Variants in EYS observed in about 807,000 individuals in gnomAD.
EYS encodes protein eyes shut homolog.
A neutral mutation model predicts 282.1 loss-of-function variants in EYS; 250 were observed. That is an observed-to-expected ratio of 0.89 (90% CI 0.80 to 0.98). EYS has a LOEUF of 0.98. Ranked by LOEUF, EYS falls within the 50% of genes least tolerant of loss-of-function variation. EYS has a pLI of 0.00. For synonymous variants in EYS, 1,355 were observed against 1,282.9 expected (o/e 1.06, Z -1.20); for missense variants, 4,016 against 3,709.0 (o/e 1.08, Z -2.15).
At chr6:65,490,835 A>T (rs1461687490) in intron 4 of EYS, 128 bp from the exon 5 acceptor site, 8 of 649,906 alleles carry the variant, frequency 1.2e-5, no homozygotes, top group Admixed American at 8.0e-5. Flanking sequence ...AAACCATGTT[A>T]TACGATGATG....
chr6:65,241,305 T>C (rs1767052241), intron 12 of EYS, among the ~76,000 whole-genome samples: 1 of 152,170 alleles, frequency 6.6e-6, no homozygotes, highest in South Asian at 2.1e-4. Flanking sequence ...TCTTTTCTTG[T>C]CTGTTACATA....
chr6:65,614,653 C>T (rs1029499584), intron 2 of EYS, among the ~76,000 whole-genome samples: 1 of 151,986 alleles, frequency 6.6e-6, no homozygotes, highest in Non-Finnish European at 1.5e-5. Flanking sequence ...ATCTACTTGG[C>T]AAGAAAAACA....
chr6:65,486,309 T>C (rs1765781251), intron 5 of EYS, among the ~76,000 whole-genome samples: 1 of 152,240 alleles, frequency 6.6e-6, no homozygotes, highest in Admixed American at 6.5e-5. Context: ...TTTTTCTTGC[T>C]TCTTTTCATC....
chr6:63,734,443 C>T (rs775687152), intron 41 of EYS, among the ~76,000 whole-genome samples: 12 of 152,120 alleles, frequency 7.9e-5, no homozygotes, highest in South Asian at 6.2e-4. Flanking sequence ...TAAACAATAT[C>T]GCTTTGGTTG....
chr6:63,796,383 A>G (rs763316757), intron 37 of EYS, among the ~76,000 whole-genome samples: 8 of 152,176 alleles, frequency 5.3e-5, no homozygotes, highest in Non-Finnish European at 8.8e-5. Context: ...GTGCTGTGAG[A>G]TCCATGTGTA....
At chr6:64,110,162 C>G (rs911799941) in intron 31 of EYS, among the ~76,000 whole-genome samples, 11 of 151,224 alleles carry the variant, frequency 7.3e-5, no homozygotes, top group Non-Finnish European at 1.2e-4. Context: ...CACATAGAAT[C>G]TAAAGAATCT....
intron 24 of EYS, among the ~76,000 whole-genome samples, chr6:64,616,549 T>C (rs1015322981): frequency 3.9e-5 from 6 of 152,074 alleles, no homozygotes; most frequent in African/African-American, 1.4e-4. Flanking sequence ...GTGACAGTTA[T>C]TGATTATTTT....
At chr6:64,703,175 G>A (rs984131787) in intron 22 of EYS, among the ~76,000 whole-genome samples, 5 of 151,712 alleles carry the variant, frequency 3.3e-5, no homozygotes, top group Admixed American at 6.6e-5. Flanking sequence ...ACTCACGGCA[G>A]AGCAGGTAGC....
chr6:64,304,927 C>A, intron 30 of EYS, among the ~76,000 whole-genome samples: 1 of 152,158 alleles, frequency 6.6e-6, no homozygotes, highest in East Asian at 1.9e-4. Flanking sequence ...TAAGAAAGAT[C>A]TCAAATTCAA....
intron 31 of EYS, among the ~76,000 whole-genome samples, chr6:64,101,952 C>T (rs541862654): frequency 3.3e-5 from 5 of 151,790 alleles, no homozygotes; most frequent in African/African-American, 1.2e-4. Context: ...GGTTTGTGCT[C>T]CTAGGAGAAT....
chr6:64,663,103 C>T (rs540739614), intron 22 of EYS, among the ~76,000 whole-genome samples: 5 of 120,958 alleles, frequency 4.1e-5, no homozygotes, highest in Admixed American at 1.8e-4. Flanking sequence ...CAGAGCTTAG[C>T]GAATTGATGA....
chr6:65,137,777 TA>T (rs1256443302), intron 12 of EYS, among the ~76,000 whole-genome samples: 3 of 152,018 alleles, frequency 2.0e-5, no homozygotes, highest in African/African-American at 7.2e-5. Context: ...AAGAGATATT[TA>T]AGAGGAACAA....
intron 5 of EYS, among the ~76,000 whole-genome samples, chr6:65,483,802 A>G (rs1299952323): frequency 6.6e-6 from 1 of 152,172 alleles, no homozygotes; most frequent in Non-Finnish European, 1.5e-5. Flanking sequence ...GAAGCCTCAC[A>G]ATCCTGGTGG....
chr6:64,395,650 G>A (rs943545052), intron 28 of EYS, among the ~76,000 whole-genome samples: 1 of 143,446 alleles, frequency 7.0e-6, no homozygotes, highest in Non-Finnish European at 1.5e-5. Flanking sequence ...GGGGGAGGGG[G>A]GAGGGATAGC....
chr6:65,222,784 T>C (rs966930432), intron 12 of EYS, among the ~76,000 whole-genome samples: 1 of 152,104 alleles, frequency 6.6e-6, no homozygotes, highest in Non-Finnish European at 1.5e-5. Context: ...ATTAGATACA[T>C]GGGATAGCAG....
chr6:65,379,582 C>A (rs774964819), intron 8 of EYS, among the ~76,000 whole-genome samples: 11 of 152,114 alleles, frequency 7.2e-5, no homozygotes, highest in Non-Finnish European at 1.0e-4. Context: ...TCTCTCACCA[C>A]TCCTGTTCAA....
chr6:63,972,794 G>T (rs11968744), intron 35 of EYS, among the ~76,000 whole-genome samples: 1 of 152,020 alleles, frequency 6.6e-6, no homozygotes, highest in African/African-American at 2.4e-5. Flanking sequence ...TGTGGTCTTT[G>T]GTTTTCTGTT....
intron 22 of EYS, among the ~76,000 whole-genome samples, chr6:64,741,794 T>C (rs1772380127): frequency 6.6e-6 from 1 of 152,196 alleles, no homozygotes; most frequent in Non-Finnish European, 1.5e-5. Flanking sequence ...TCTTTCAGCC[T>C]TCACAGAATT....
chr6:64,272,333 T>G (rs1718165249), intron 30 of EYS, among the ~76,000 whole-genome samples: 1 of 152,190 alleles, frequency 6.6e-6, no homozygotes, highest in Admixed American at 6.5e-5. Context: ...TAGCTGGTTA[T>G]TTTGCCTGTT....
Sources: gnomAD v4.1 joint callset for allele counts (sites outside exome capture counted in the v4.1 genomes callset) on GRCh38, gnomAD v4.1.1 for gene constraint, MANE v1.5 for transcripts, NCBI Gene and HGNC (gene_info 2026-07-23, HGNC 2026-07-21) for gene names.